The following GRID2 variants were observed in gnomAD, a reference collection of about 807,000 sequenced individuals.
GRID2 encodes glutamate ionotropic receptor delta type subunit 2, also known as glutamate receptor ionotropic, delta-2.
GRID2 carries 33 observed loss-of-function variants against 114.8 expected under a neutral mutation model. That is an observed-to-expected ratio of 0.29 (90% CI 0.22 to 0.38). GRID2 has a LOEUF of 0.38. GRID2 is among the 10% of genes least tolerant of loss of function. GRID2 has a pLI of 1.00. For missense variants in GRID2, 1,184 were observed against 1,257.7 expected, an observed-to-expected ratio of 0.94 and a Z score of 0.89; for synonymous variants, 505 against 449.9, an observed-to-expected ratio of 1.12 and a Z score of -1.55.
intron 9 of GRID2, among the ~76,000 whole-genome samples, chr4:93,398,752 T>G (rs916134165): frequency 4.1e-5 from 6 of 147,272 alleles, no homozygotes; most frequent in Admixed American, 1.3e-4. Context: ...AAGCAGTGTT[T>G]TTTTTTTTTT....
At chr4:92,744,685 T>C (rs142592847) in intron 2 of GRID2, among the ~76,000 whole-genome samples, 12 of 152,210 alleles carry the variant, frequency 7.9e-5, no homozygotes, top group African/African-American at 2.9e-4. Context: ...CTTTAGTTTT[T>C]TTCCTTAATT....
intron 14 of GRID2, among the ~76,000 whole-genome samples, chr4:93,754,749 G>GTTGCT (rs1174473741): frequency 4.6e-5 from 7 of 152,270 alleles, no homozygotes; most frequent in African/African-American, 1.7e-4. Flanking sequence ...ACTTAGCTGG[G>GTTGCT]TTGCTTTCAT....
chr4:92,653,138 C>T (rs988605841), intron 2 of GRID2, among the ~76,000 whole-genome samples: 3 of 150,316 alleles, frequency 2.0e-5, no homozygotes, highest in African/African-American at 2.4e-5. Flanking sequence ...GCTGGGATTA[C>T]AGGCACTTGC....
intron 2 of GRID2, among the ~76,000 whole-genome samples, chr4:92,729,578 C>T (rs897525257): frequency 2.0e-4 from 31 of 151,922 alleles, no homozygotes; most frequent in African/African-American, 6.8e-4. Flanking sequence ...TGCGCTAAAG[C>T]GTAAGGATTT....
intron 13 of GRID2, among the ~76,000 whole-genome samples, chr4:93,521,197 G>A (rs1730304451): frequency 6.6e-6 from 1 of 152,096 alleles, no homozygotes; most frequent in African/African-American, 2.4e-5. Context: ...ACAAGAGTAG[G>A]TTTGATAAGT....
chr4:93,011,564 T>TA (rs1722169896), intron 2 of GRID2, among the ~76,000 whole-genome samples: 1 of 152,098 alleles, frequency 6.6e-6, no homozygotes, highest in Non-Finnish European at 1.5e-5. Context: ...TGAAAATACT[T>TA]ACCATTTCAG....
intron 1 of GRID2, among the ~76,000 whole-genome samples, chr4:92,572,099 G>A (rs1304574278): frequency 6.6e-6 from 1 of 151,474 alleles, no homozygotes; most frequent in Non-Finnish European, 1.5e-5. Context: ...CCAGGAGCTG[G>A]TTTTTTGAAA....
chr4:92,436,351 A>G (rs1278841597), intron 1 of GRID2, among the ~76,000 whole-genome samples: 2 of 152,132 alleles, frequency 1.3e-5, no homozygotes, highest in African/African-American at 4.8e-5. Flanking sequence ...TCAAAATACT[A>G]AAGATGTGGC....
chr4:93,075,217 A>G (rs1353614619), intron 2 of GRID2, among the ~76,000 whole-genome samples: 1 of 152,204 alleles, frequency 6.6e-6, no homozygotes, highest in Non-Finnish European at 1.5e-5. Flanking sequence ...GGTTATCTCA[A>G]TAGATGCAGA....
intron 1 of GRID2, among the ~76,000 whole-genome samples, chr4:92,441,556 G>A (rs1023434380): frequency 2.0e-5 from 3 of 152,256 alleles, no homozygotes; most frequent in East Asian, 1.9e-4. Context: ...TTGATAAGGC[G>A]CAGATCCTGA....
chr4:93,526,892 A>T (rs1250315054), intron 13 of GRID2, among the ~76,000 whole-genome samples: 1 of 152,208 alleles, frequency 6.6e-6, no homozygotes, highest in Non-Finnish European at 1.5e-5. Context: ...ACACATATGA[A>T]TACAATTTTT....
chr4:93,087,191 C>T lies in GRID2; in HGVS notation c.529+1912C>T, dbSNP rs918424513. The stretch of plus-strand genomic sequence containing the variant: ...CTGGGACTACAGGCACGTGCCAACA[C>T]GCCTAGCTATTGTTTTTTTTTTGTA... On this transcript the variant is annotated intron_variant, in intron 3 of 15. Transcript: ENST00000282020. 1.7e-4 allele frequency among the ~76,000 whole-genome samples: 26 copies of T among 151,218 alleles called. No homozygotes were observed. The South Asian group carries it at 2.9e-3, about 17-fold the overall frequency.
intron 1 of GRID2, among the ~76,000 whole-genome samples, chr4:92,556,093 G>T (rs907426812): frequency 2.0e-5 from 3 of 152,166 alleles, no homozygotes; most frequent in Non-Finnish European, 4.4e-5. Context: ...GGAAAGCTCA[G>T]TTGTGGACAA....
intron 8 of GRID2, among the ~76,000 whole-genome samples, chr4:93,358,773 C>T (rs879360922): frequency 4.6e-5 from 7 of 151,822 alleles, no homozygotes; most frequent in Middle Eastern, 3.2e-3. Context: ...TTAGTTACTA[C>T]GTTATTTTTA....
intron 12 of GRID2, among the ~76,000 whole-genome samples, chr4:93,501,096 A>C (rs1184247916): frequency 6.6e-6 from 1 of 151,918 alleles, no homozygotes; most frequent in East Asian, 1.9e-4. Context: ...GTAAATATTC[A>C]CTCACTGAGT....
intron 11 of GRID2, among the ~76,000 whole-genome samples, chr4:93,462,712 A>G (rs923132187): frequency 1.6e-4 from 24 of 152,306 alleles, no homozygotes; most frequent in African/African-American, 5.8e-4. Flanking sequence ...ATAACTCAAA[A>G]AGACATCAAT....
At chr4:92,427,058 A>C (rs75812803) in intron 1 of GRID2, among the ~76,000 whole-genome samples, 1 of 152,108 alleles carries the variant, frequency 6.6e-6, no homozygotes, top group Non-Finnish European at 1.5e-5. Context: ...TTGAATTATT[A>C]AATAGTGGAC....
chr4:93,737,151 G>T (rs1730994831), intron 14 of GRID2, among the ~76,000 whole-genome samples: 1 of 152,040 alleles, frequency 6.6e-6, no homozygotes, highest in Non-Finnish European at 1.5e-5. Flanking sequence ...CATAGTAAAA[G>T]CTCAAAGAGT....
At chr4:92,854,852 C>T (rs1399938844) in intron 2 of GRID2, among the ~76,000 whole-genome samples, 2 of 151,792 alleles carry the variant, frequency 1.3e-5, no homozygotes, top group Admixed American at 1.3e-4. Flanking sequence ...AGAACAATGT[C>T]TTATTTTTGC....
Sources: allele counts gnomAD v4.1 joint callset (sites outside exome capture counted in the v4.1 genomes callset), GRCh38; gene constraint gnomAD v4.1.1; transcripts MANE v1.5; gene names NCBI Gene and HGNC (gene_info 2026-07-23, HGNC 2026-07-21).